The following IDNK variants were observed in gnomAD, a reference collection of about 807,000 sequenced individuals.
The protein encoded by IDNK is IDNK gluconokinase.
IDNK carries 9 observed loss-of-function variants against 13.0 expected under a neutral mutation model. That is an observed-to-expected ratio of 0.69 (90% CI 0.42 to 1.21). The LOEUF is 1.21. IDNK is among the 50% of genes most tolerant of loss of function. The pLI is 0.00. For missense variants in IDNK, 210 were observed against 237.8 expected (o/e 0.88, Z 0.77); for synonymous variants, 92 against 94.9 (o/e 0.97, Z 0.18).
At chr9:83,635,705 T>C (rs377306232) in intron 3 of IDNK, among the ~76,000 whole-genome samples, 93 of 152,370 alleles carry the variant, frequency 6.1e-4, no homozygotes, top group African/African-American at 2.2e-3. Flanking sequence ...AACAATCTTA[T>C]TTCCTTCTTT....
chr9:83,641,475 A>G, intron 3 of IDNK, 73 bp from the exon 4 acceptor site: 2 of 1,524,966 alleles, frequency 1.3e-6, no homozygotes, highest in Non-Finnish European at 1.8e-6. Flanking sequence ...ACATGATATA[A>G]CTGTTTCTCT....
At chr9:83,627,853 CAAAAAAAA>C (rs149062579) in intron 1 of IDNK, among the ~76,000 whole-genome samples, 5 of 73,954 alleles carry the variant, frequency 6.8e-5, no homozygotes, top group Admixed American at 3.0e-4. Context: ...ATCCCCACCA[CAAAAAAAA>C]AAAAAAAAAA....
intron 3 of IDNK, among the ~76,000 whole-genome samples, chr9:83,633,440 C>G (rs947352903): frequency 6.6e-6 from 1 of 152,216 alleles, no homozygotes; most frequent in Admixed American, 6.5e-5. Context: ...CTGCAGGTGA[C>G]TTAATAGATT....
rs2131124639 is a variant in IDNK, at chr9:83,643,807, C to A, written c.*27C>A. 1 of 1,499,314 alleles carries A rather than the reference C, an allele frequency of 6.7e-7. No individual in the cohort carries two copies. Among genetic ancestry groups the A allele is most frequent in the Non-Finnish European group, 9.2e-7 (1 of 1,088,216 alleles). 92.9% of individuals were successfully genotyped at this position (1,499,314 alleles called of 1,614,324 possible). A position where few individuals can be genotyped will look rare whatever the true frequency, so the allele number is the denominator to read the frequency against. The stretch of plus-strand genomic sequence containing the variant: ...AATGATTTTGTATCAGTGGTCCAAA[C>A]AGAACTAAGCATAAATCATTGTGCC... On this transcript the variant is annotated 3_prime_UTR_variant, in exon 5 of 5. Coordinates refer to ENST00000376419, the MANE Select transcript of IDNK (RefSeq NM_001001551.4).
intron 1 of IDNK, 138 bp downstream of exon 1, chr9:83,623,359 G>T (rs1289974742): frequency 1.2e-6 from 1 of 824,810 alleles, no homozygotes; most frequent in Non-Finnish European, 1.8e-6. Context: ...AGAAACCGAG[G>T]CCCGCGGCTG....
chr9:83,634,602 C>A (rs1341289301), intron 3 of IDNK, among the ~76,000 whole-genome samples: 4 of 152,096 alleles, frequency 2.6e-5, no homozygotes, highest in African/African-American at 9.7e-5. Context: ...ATAAGATAGT[C>A]AACACTCAGC....
chr9:83,641,450 C>A, intron 3 of IDNK, 98 bp from the exon 4 acceptor site: 1 of 1,379,576 alleles, frequency 7.2e-7, no homozygotes, highest in Non-Finnish European at 1.0e-6. Context: ...TCTCGCTGGA[C>A]CTTAACATTT....
intron 1 of IDNK, among the ~76,000 whole-genome samples, chr9:83,625,356 G>T (rs1164227561): frequency 1.3e-5 from 2 of 152,234 alleles, no homozygotes; most frequent in Non-Finnish European, 2.9e-5. Flanking sequence ...TAGTCATCCA[G>T]TGGATGGTGG....
intron 1 of IDNK, chr9:83,627,005 T>G: frequency 4.2e-6 from 1 of 235,364 alleles, no homozygotes; most frequent in Non-Finnish European, 7.0e-6. Context: ...CATTGTTCTG[T>G]TTTCATTATA....
chr9:83,625,093 A>C (rs146341673), intron 1 of IDNK, among the ~76,000 whole-genome samples: 1 of 152,350 alleles, frequency 6.6e-6, no homozygotes, highest in African/African-American at 2.4e-5. Flanking sequence ...ATGAAGTCAG[A>C]AACAATGCAG....
In IDNK at chr9:83,623,146, C is replaced by G; in HGVS notation, c.-26C>G. 1 of 1,407,072 alleles carries G rather than the reference C, an allele frequency of 7.1e-7. No individual in the cohort carries two copies. Among genetic ancestry groups the G allele is most frequent in the Non-Finnish European group, 9.2e-7 (1 of 1,086,388 alleles). 87.2% of individuals were successfully genotyped at this position (1,407,072 alleles called of 1,614,324 possible). ...GCCGGGGCCGGCGGGGCCCGGAAGG[C>G]GACGGGAAGGAGCCGAGCTTGGGTT... On this transcript the variant is annotated 5_prime_UTR_variant, in exon 1 of 5. Coordinates refer to ENST00000376419, the MANE Select transcript of IDNK (RefSeq NM_001001551.4).
chr9:83,626,334 C>T (rs941007843), intron 1 of IDNK: 14 of 268,572 alleles, frequency 5.2e-5, no homozygotes, highest in Non-Finnish European at 1.0e-4. Context: ...TGACAGTCTA[C>T]ACCCACATCT....
Position 83,623,175 on chromosome 9 carries a change from G to T in IDNK, c.4G>T (p.Ala2Ser), listed in dbSNP as rs1363335521. MAAPGALLVMGV... is the reference protein window; with the variant it reads MSAPGALLVMGV... The stretch of plus-strand genomic sequence containing the variant: ...GGGAAGGAGCCGAGCTTGGGTTATG[G>T]CGGCGCCGGGCGCGCTGCTGGTGAT... Residue 2 changes from alanine to serine, a missense_variant, in exon 1 of 5, where the codon GCG becomes TCG. By Grantham distance (99) the Ala-to-Ser change is moderately conservative. Coordinates refer to ENST00000376419, the MANE Select transcript of IDNK (RefSeq NM_001001551.4). 1.4e-6 allele frequency: 2 copies of T among 1,416,504 alleles called. No individual in the cohort carries two copies. The highest frequency in any genetic ancestry group is 1.5e-5 in the African/African-American group (1 of 65,810). The allele number at this position is 1,416,504 out of a possible 1,614,324, so 87.7% of individuals were successfully genotyped here.
At chr9:83,641,199 T>C (rs186571694) in intron 3 of IDNK, among the ~76,000 whole-genome samples, 40 of 152,338 alleles carry the variant, frequency 2.6e-4, no homozygotes, top group African/African-American at 9.6e-4. Flanking sequence ...AATATCTCTC[T>C]ACATTTGAGA....
chr9:83,641,525 G>GTT (rs1564151440), intron 3 of IDNK, 23 bp from the exon 4 acceptor site: 4 of 1,613,440 alleles, frequency 2.5e-6, no homozygotes, highest in East Asian at 4.5e-5. Flanking sequence ...TTGTGTCTGG[G>GTT]TTTTTGTTTT....
intron 1 of IDNK, among the ~76,000 whole-genome samples, chr9:83,627,699 G>A (rs751521103): frequency 1.3e-5 from 2 of 151,984 alleles, no homozygotes; most frequent in East Asian, 1.9e-4. Context: ...TTTATTTTAC[G>A]AGTGTGTCTC....
At chr9:83,623,600 T>C (rs903666218) in intron 1 of IDNK, 3 of 254,830 alleles carry the variant, frequency 1.2e-5, no homozygotes, top group African/African-American at 4.7e-5. Context: ...GCACGGCCTC[T>C]AGCGAGAGGA....
intron 3 of IDNK, among the ~76,000 whole-genome samples, chr9:83,638,796 T>C (rs1371183346): frequency 5.3e-5 from 8 of 152,144 alleles, no homozygotes; most frequent in Non-Finnish European, 1.2e-4. Context: ...AAAAATCTTA[T>C]TCACAAGTAA....
intron 3 of IDNK, among the ~76,000 whole-genome samples, chr9:83,641,193 T>C (rs1831296548): frequency 6.6e-6 from 1 of 152,214 alleles, no homozygotes; most frequent in African/African-American, 2.4e-5. Flanking sequence ...TATGTGAATA[T>C]CTCTCTACAT....
Sources: allele counts gnomAD v4.1 joint callset (sites outside exome capture counted in the v4.1 genomes callset), GRCh38; gene constraint gnomAD v4.1.1; transcripts MANE v1.5; gene names NCBI Gene and HGNC (gene_info 2026-07-23, HGNC 2026-07-21).